SPAG9: variants seen among roughly 807,000 people sequenced by gnomAD.
SPAG9 encodes the protein C-Jun-amino-terminal kinase-interacting protein 4.
A neutral mutation model predicts 166.5 loss-of-function variants in SPAG9; 35 were observed. The ratio of observed to expected loss-of-function variants is 0.21; its 90% confidence interval spans 0.16 to 0.28. SPAG9 has a LOEUF of 0.28. Among genes scored for constraint, SPAG9 ranks in the 10% least tolerant of loss-of-function variants. SPAG9 has a pLI of 1.00. For missense variants in SPAG9, 1,235 were observed against 1,603.3 expected, an observed-to-expected ratio of 0.77 and a Z score of 3.92; for synonymous variants, 534 against 565.5, an observed-to-expected ratio of 0.94 and a Z score of 0.79.
chr17:50,979,436 T>C (rs921568640), intron 26 of SPAG9, among the ~76,000 whole-genome samples: 4 of 146,660 alleles, frequency 2.7e-5, no homozygotes, highest in Non-Finnish European at 6.0e-5. Flanking sequence ...CTTTCAATGA[T>C]AAAAGTTCAC....
chr17:50,992,819 C>T (rs1186652939), intron 19 of SPAG9, among the ~76,000 whole-genome samples: 2 of 151,738 alleles, frequency 1.3e-5, no homozygotes, highest in African/African-American at 4.8e-5. Context: ...TCTGACTGCC[C>T]GGGGTGGTGG....
In SPAG9 at chr17:50,999,710, G is replaced by A. The variant is rs2044845215; in HGVS notation, c.1615C>T (p.Arg539Ter). The A allele has an allele frequency of 1.9e-6, 3 of 1,611,672 alleles. No individual in the cohort carries two copies. Among genetic ancestry groups the A allele is most frequent in the African/African-American group, 1.3e-5 (1 of 74,678 alleles). ...TTTTCCTGCATGGCTGGATTTTCTCGTGATGCCCTACATTCAAAAAGAAAA... is the reference window on the plus strand; with the variant it reads ...TTTTCCTGCATGGCTGGATTTTCTCATGATGCCCTACATTCAAAAAGAAAA... The part of the protein sequence containing the change: ...VRWTEMIRAS[R>*]ENPAMQEKKR... Residue 539 changes from arginine to a stop codon, truncating the protein, a stop_gained, in exon 14 of 30, where the codon CGA becomes TGA. Coordinates refer to ENST00000262013, the MANE Select transcript of SPAG9 (RefSeq NM_001130528.3). LOFTEE classifies it high-confidence loss of function.
At chr17:51,005,897 C>T (rs1046168995) in intron 11 of SPAG9, among the ~76,000 whole-genome samples, 188 bp downstream of exon 11, 1 of 152,222 alleles carries the variant, frequency 6.6e-6, no homozygotes, top group African/African-American at 2.4e-5. Context: ...ATTTAGATGA[C>T]AGGCTAACAA....
At position 51,021,283 on chromosome 17, in the gene SPAG9, G is replaced by A; in HGVS notation, c.866C>T (p.Pro289Leu). Residue 289 changes from proline (P) to leucine (L), a missense_variant, in exon 7 of 30, where the codon CCT becomes CTT. Physicochemically the swap from Pro to Leu is moderately conservative, Grantham distance 98. Around this residue, in one of 6 missense-constraint regions of SPAG9, gnomAD observed 288 missense variants for 323.7 expected, o/e 0.89. Coordinates refer to ENST00000262013, the MANE Select transcript of SPAG9 (RefSeq NM_001130528.3). ...STANSDVATI[P>L]TDTPLKEENE... The stretch of plus-strand genomic sequence containing the variant: ...TTCTTCCTTTAAGGGAGTATCAGTA[G>A]GAATTGTTGCCACATCTGAATTAGC... 6.2e-7 allele frequency: 1 copy of A among 1,614,096 alleles called. No individual in the cohort carries two copies. Among genetic ancestry groups the A allele is most frequent in the Non-Finnish European group, 8.5e-7 (1 of 1,179,986 alleles).
chr17:50,971,046 G>T (rs1355505975), intron 28 of SPAG9, among the ~76,000 whole-genome samples, 190 bp from the exon 29 acceptor site: 1 of 152,122 alleles, frequency 6.6e-6, no homozygotes, highest in African/African-American at 2.4e-5. Flanking sequence ...CCGATTTGAG[G>T]TCAGGCATGG....
Position 51,047,361 on chromosome 17 carries a change from A to G in SPAG9, c.590+14T>C, listed in dbSNP as rs375402294. 58 of 1,418,956 alleles carry G rather than the reference A, an allele frequency of 4.1e-5. No individual in the cohort carries two copies. The highest frequency in any genetic ancestry group is 4.7e-5 in the Non-Finnish European group (48 of 1,030,174). 87.9% of individuals were successfully genotyped at this position (1,418,956 alleles called of 1,614,324 possible). A position where few individuals can be genotyped will look rare whatever the true frequency, so the allele number is the denominator to read the frequency against. Reference sequence around the variant, plus strand: ...TTTACTTTTTCTCAAGGCAAAATATATAACAAAGCTTACCTAATTCTACTA... The same window carrying G: ...TTTACTTTTTCTCAAGGCAAAATATGTAACAAAGCTTACCTAATTCTACTA... On this transcript the variant is annotated intron_variant, in intron 4 of 29. Coordinates refer to ENST00000262013, the MANE Select transcript of SPAG9 (RefSeq NM_001130528.3).
chr17:50,998,470 G>A lies in SPAG9; in HGVS notation c.1812C>T (p.Ser604=). 6.2e-7 allele frequency: 1 copy of A among 1,614,056 alleles called. No individual in the cohort carries two copies. Among genetic ancestry groups the A allele is most frequent in the Non-Finnish European group, 8.5e-7 (1 of 1,179,958 alleles). The change falls in exon 15 of 30, where the codon TCC becomes TCT. Residue 604 remains serine, a synonymous_variant. Transcript: ENST00000262013. ...STLSQLPGDK[S]KAFDFLSEET... Reference sequence around the variant, plus strand: ...CTTCACTAAGGAAATCAAAGGCTTTGGACTTATCCCCAGGGAGCTGAGATA... The same window carrying A: ...CTTCACTAAGGAAATCAAAGGCTTTAGACTTATCCCCAGGGAGCTGAGATA...
chr17:51,001,964 T>C (rs1311795857), intron 12 of SPAG9, 119 bp from the exon 13 acceptor site: 1 of 874,814 alleles, frequency 1.1e-6, no homozygotes, highest in East Asian at 2.8e-5. Context: ...ATCTAGTAGA[T>C]CATTTAAAGA....
chr17:51,036,909 C>T (rs1051531374), intron 5 of SPAG9, among the ~76,000 whole-genome samples: 10 of 152,150 alleles, frequency 6.6e-5, no homozygotes, highest in Admixed American at 3.9e-4. Context: ...TTAATAATTA[C>T]GCTTTATAGT....
At chr17:51,002,487 A>G (rs2044998474) in intron 12 of SPAG9, among the ~76,000 whole-genome samples, 1 of 152,166 alleles carries the variant, frequency 6.6e-6, no homozygotes, top group African/African-American at 2.4e-5. Flanking sequence ...TAAAAAATAA[A>G]AAGAATAGTA....
chr17:51,015,171 C>G (rs537816178), intron 8 of SPAG9, among the ~76,000 whole-genome samples: 34 of 152,134 alleles, frequency 2.2e-4, no homozygotes, highest in African/African-American at 7.5e-4. Flanking sequence ...GATGGGCAAA[C>G]AGTAGAAAGT....
At chr17:51,076,985 TCTAGCTATCTAGCTATCTAG>T (rs1411042521) in intron 2 of SPAG9, among the ~76,000 whole-genome samples, 11 of 101,644 alleles carry the variant, frequency 1.1e-4, no homozygotes, top group South Asian at 5.6e-4. Flanking sequence ...ATCTATCTTA[TCTAGCTATCTAGCTATCTAG>T]CTAGCTAGCT....
At chr17:51,069,631 A>C (rs1417802629) in intron 2 of SPAG9, among the ~76,000 whole-genome samples, 1 of 152,166 alleles carries the variant, frequency 6.6e-6, no homozygotes, top group Non-Finnish European at 1.5e-5. Flanking sequence ...CCTTTAAAAT[A>C]AAAATTATGT....
chr17:50,984,463 G>A (rs961847346), intron 24 of SPAG9, among the ~76,000 whole-genome samples: 1 of 152,210 alleles, frequency 6.6e-6, no homozygotes, highest in Non-Finnish European at 1.5e-5. Flanking sequence ...AAAGCGGGCA[G>A]ATCACAAAGT....
intron 17 of SPAG9, 105 bp downstream of exon 17, chr17:50,995,339 G>A: frequency 7.7e-7 from 1 of 1,297,048 alleles, no homozygotes; most frequent in Non-Finnish European, 1.1e-6. Flanking sequence ...ATTATAAAAT[G>A]AACAATAACC....
chr17:51,025,278 A>G (rs1245582004), intron 6 of SPAG9, among the ~76,000 whole-genome samples: 1 of 130,962 alleles, frequency 7.6e-6, no homozygotes, highest in Non-Finnish European at 1.6e-5. Flanking sequence ...AAATTGTGCC[A>G]CCACACTCCA....
intron 14 of SPAG9, 64 bp from the exon 15 acceptor site, chr17:50,998,681 A>C: frequency 6.7e-7 from 1 of 1,490,110 alleles, no homozygotes; most frequent in Non-Finnish European, 9.2e-7. Context: ...GATTTTCCAC[A>C]AACTTTAATG....
At chr17:51,001,466 T>C (rs559540850) in intron 13 of SPAG9, among the ~76,000 whole-genome samples, 31 of 152,340 alleles carry the variant, frequency 2.0e-4, no homozygotes, top group African/African-American at 7.2e-4. Context: ...AAAATGACCA[T>C]CATTCCTAAG....
chr17:50,970,009 A>G (rs1275891654), intron 29 of SPAG9, among the ~76,000 whole-genome samples: 1 of 152,242 alleles, frequency 6.6e-6, no homozygotes, highest in African/African-American at 2.4e-5. Context: ...GTAGGTGCTC[A>G]ATTAATGTTT....
Sources: allele counts gnomAD v4.1 joint callset (sites outside exome capture counted in the v4.1 genomes callset), GRCh38; gene constraint gnomAD v4.1.1; regional missense constraint gnomAD v4.1.1; transcripts MANE v1.5; gene names NCBI Gene and HGNC (gene_info 2026-07-23, HGNC 2026-07-21).